The following SUGT1 variants were observed in gnomAD, a reference collection of about 807,000 sequenced individuals.
SUGT1 encodes the protein protein SGT1 homolog.
SUGT1 carries 15 observed loss-of-function variants against 56.1 expected under a neutral mutation model. The ratio of observed to expected loss-of-function variants is 0.27; its 90% confidence interval spans 0.18 to 0.41. SUGT1 has a LOEUF of 0.41. SUGT1 is among the 10% of genes least tolerant of loss of function. The pLI, the probability that SUGT1 is intolerant of heterozygous loss-of-function variation, is 1.00. For synonymous variants in SUGT1, 123 were observed against 128.6 expected (o/e 0.96, Z 0.30); for missense variants, 347 against 382.2 (o/e 0.91, Z 0.77).
In SUGT1 at chr13:52,691,026, T is replaced by G. The variant is rs1963759778; in HGVS notation, c.*3191T>G. On this transcript the variant is annotated 3_prime_UTR_variant, in exon 13 of 13. Transcript: ENST00000310528. Reference sequence around the variant, plus strand: ...TGCTGGGATTACAGGTGTGAGTCACTGTGCCTGGCCCACATTTTCATTCTT... The same window carrying G: ...TGCTGGGATTACAGGTGTGAGTCACGGTGCCTGGCCCACATTTTCATTCTT... 6.6e-6 allele frequency: 1 copy of G among 151,992 alleles called. No individual in the cohort carries two copies. Among genetic ancestry groups the G allele is most frequent in the African/African-American group, 2.4e-5 (1 of 41,310 alleles). 9.4% of individuals were successfully genotyped at this position (151,992 alleles called of 1,614,324 possible).
At chr13:52,686,052 A>G (rs116169574) in intron 12 of SUGT1, among the ~76,000 whole-genome samples, 2,090 of 152,218 alleles carry the variant, frequency 0.014, 46 homozygotes, top group African/African-American at 0.048. Flanking sequence ...CTCAGCCTCT[A>G]GAGTAGCTGG....
rs1432270406 is a variant in SUGT1, at chr13:52,697,694, CT to C, written c.*9864del. 6.6e-6 allele frequency: 1 copy of C among 152,078 alleles called. No individual in the cohort carries two copies. Among genetic ancestry groups the C allele is most frequent in the Non-Finnish European group, 1.5e-5 (1 of 68,030 alleles). The allele number at this position is 152,078 out of a possible 1,614,324, so 9.4% of individuals were successfully genotyped here. On this transcript the variant is annotated 3_prime_UTR_variant, in exon 13 of 13. Coordinates refer to ENST00000310528, the MANE Select transcript of SUGT1 (RefSeq NM_006704.5). ...AGTCTTTGCAGTCAAAAGCCATACA[CT>C]TTTTCTTTGAGTGAGCCTTTACTTT...
intron 5 of SUGT1, among the ~76,000 whole-genome samples, chr13:52,659,846 T>G (rs1962356448): frequency 1.3e-5 from 1 of 74,122 alleles, no homozygotes; most frequent in Admixed American, 1.9e-4. Flanking sequence ...TTTTTTTTTT[T>G]GAGACGGAGT....
rs1964009256 is a variant in SUGT1, at chr13:52,698,905, A to C, written c.*11070A>C. Reference sequence around the variant, plus strand: ...GTAGACCTTCATTACTTTCCTCCTGAGATTTTGAATCAGTACCTTTGAGAG... The same window carrying C: ...GTAGACCTTCATTACTTTCCTCCTGCGATTTTGAATCAGTACCTTTGAGAG... On this transcript the variant is annotated 3_prime_UTR_variant, in exon 13 of 13. Transcript: ENST00000310528. The C allele has an allele frequency of 6.6e-6, 1 of 152,094 alleles. No homozygotes were observed. The highest frequency in any genetic ancestry group is 1.5e-5 in the Non-Finnish European group (1 of 68,028). The allele number at this position is 152,094 out of a possible 1,614,324, so 9.4% of individuals were successfully genotyped here.
intron 2 of SUGT1, among the ~76,000 whole-genome samples, chr13:52,657,189 CA>C (rs1246462330): frequency 1.3e-5 from 2 of 152,080 alleles, no homozygotes; most frequent in Non-Finnish European, 2.9e-5. Flanking sequence ...GAATCTTCTT[CA>C]AATTAGTAGG....
At chr13:52,684,908 C>CT (rs71094314) in intron 12 of SUGT1, among the ~76,000 whole-genome samples, 1 of 145,396 alleles carries the variant, frequency 6.9e-6, no homozygotes, top group African/African-American at 2.5e-5. Context: ...TTTGTTGGGA[C>CT]TTTTTTTTTT....
chr13:52,689,217 A>G lies in SUGT1; in HGVS notation c.*1382A>G, dbSNP rs921924713. ...CCAGATGGTGCCCAAACCTGTTGTTATAGCTTGTTTAAGCATTCTAGAGTT... is the reference window on the plus strand; with the variant it reads ...CCAGATGGTGCCCAAACCTGTTGTTGTAGCTTGTTTAAGCATTCTAGAGTT... On this transcript the variant is annotated 3_prime_UTR_variant, in exon 13 of 13. Coordinates refer to ENST00000310528, the MANE Select transcript of SUGT1 (RefSeq NM_006704.5). 2.0e-5 allele frequency: 3 copies of G among 152,166 alleles called. No individual in the cohort carries two copies. In the East Asian group the frequency reaches 5.8e-4, roughly 29 times the overall value. The allele number at this position is 152,166 out of a possible 1,614,324, so 9.4% of individuals were successfully genotyped here.
chr13:52,674,089 C>G (rs568474600), intron 10 of SUGT1, among the ~76,000 whole-genome samples: 1 of 128,264 alleles, frequency 7.8e-6, no homozygotes, highest in East Asian at 2.4e-4. Context: ...GAGTCTCGCT[C>G]TGTTGCCCAG....
chr13:52,663,030 C>T, intron 6 of SUGT1, 66 bp from the exon 7 acceptor site: 1 of 1,543,356 alleles, frequency 6.5e-7, no homozygotes, highest in South Asian at 1.2e-5. Context: ...CTATAGAAAT[C>T]ATACAAATAA....
chr13:52,685,082 TTC>T (rs947859768), intron 12 of SUGT1, among the ~76,000 whole-genome samples: 2 of 150,768 alleles, frequency 1.3e-5, no homozygotes, highest in African/African-American at 2.5e-5. Flanking sequence ...TTTTTTTTTT[TTC>T]TAGTCAGGGT....
rs1330936993 is a variant in SUGT1 at position 52,695,828 on chromosome 13, C to T, written c.*7993C>T. The T allele has an allele frequency of 1.3e-5, 2 of 152,226 alleles. No individual in the cohort carries two copies. The highest frequency in any genetic ancestry group is 4.8e-5 in the African/African-American group (2 of 41,470). The allele number at this position is 152,226 out of a possible 1,614,324, so 9.4% of individuals were successfully genotyped here. A position where few individuals can be genotyped will look rare whatever the true frequency, so the allele number is the denominator to read the frequency against. ...AGACATCTGCTGTTTCTGAATATGT[C>T]GTGTATTTTCATTCCTTTTTCTGCC... On this transcript the variant is annotated 3_prime_UTR_variant, in exon 13 of 13. Transcript: ENST00000310528.
At chr13:52,657,441 A>C in intron 2 of SUGT1, 91 bp from the exon 3 acceptor site, 1 of 1,092,694 alleles carries the variant, frequency 9.2e-7, no homozygotes, top group Non-Finnish European at 1.4e-6. Context: ...AGCTTCTGAC[A>C]ATAAGTTACT....
intron 10 of SUGT1, among the ~76,000 whole-genome samples, chr13:52,667,202 G>T (rs1189692009): frequency 6.6e-6 from 1 of 152,146 alleles, no homozygotes; most frequent in Admixed American, 6.5e-5. Context: ...ACAATAATCA[G>T]CCTGTCTTTA....
chr13:52,684,072 A>G (rs1324366833), intron 12 of SUGT1, among the ~76,000 whole-genome samples: 2 of 151,500 alleles, frequency 1.3e-5, no homozygotes, highest in East Asian at 1.9e-4. Flanking sequence ...ATTTAATTTT[A>G]TTTTATTTTG....
At chr13:52,681,734 C>T (rs1963383389) in intron 12 of SUGT1, among the ~76,000 whole-genome samples, 1 of 151,430 alleles carries the variant, frequency 6.6e-6, no homozygotes, top group Non-Finnish European at 1.5e-5. Context: ...GCTCAGGCGT[C>T]TGCGGCAAGA....
In SUGT1 at chr13:52,689,988, A is replaced by G. The variant is rs1351428473; in HGVS notation, c.*2153A>G. ...AAAATAAATAGCTGTTTAAAAAAAAAAAATCTGGTACTATCTTTAGTTGGT... is the reference window on the plus strand; with the variant it reads ...AAAATAAATAGCTGTTTAAAAAAAAGAAATCTGGTACTATCTTTAGTTGGT... On this transcript the variant is annotated 3_prime_UTR_variant, in exon 13 of 13. Coordinates refer to ENST00000310528, the MANE Select transcript of SUGT1 (RefSeq NM_006704.5). The G allele has an allele frequency of 1.3e-5, 2 of 152,092 alleles. No individual in the cohort carries two copies. The highest frequency in any genetic ancestry group is 2.9e-5 in the Non-Finnish European group (2 of 68,010). 9.4% of individuals were successfully genotyped at this position (152,092 alleles called of 1,614,324 possible).
chr13:52,662,988 G>A (rs1237720605), intron 6 of SUGT1, 108 bp from the exon 7 acceptor site: 21 of 1,253,876 alleles, frequency 1.7e-5, no homozygotes, highest in Non-Finnish European at 2.3e-5. Context: ...GAAAGGTACG[G>A]AGAATTTGCT....
intron 2 of SUGT1, among the ~76,000 whole-genome samples, chr13:52,657,034 T>C (rs1374280378): frequency 6.6e-6 from 1 of 152,220 alleles, no homozygotes; most frequent in Non-Finnish European, 1.5e-5. Context: ...TGTGTGCTAT[T>C]GTTAGAGGCT....
At chr13:52,669,834 GA>G (rs567991076) in intron 10 of SUGT1, among the ~76,000 whole-genome samples, 3 of 152,028 alleles carry the variant, frequency 2.0e-5, no homozygotes, top group Non-Finnish European at 4.4e-5. Flanking sequence ...TAAAATCTTT[GA>G]ATTTCCTTTT....
Sources: gnomAD v4.1 joint callset for allele counts (sites outside exome capture counted in the v4.1 genomes callset) on GRCh38, gnomAD v4.1.1 for gene constraint, MANE v1.5 for transcripts, NCBI Gene and HGNC (gene_info 2026-07-23, HGNC 2026-07-21) for gene names.